HMBOX1: variants seen among roughly 807,000 people sequenced by gnomAD.
HMBOX1 encodes the protein homeobox containing 1, also known as homeobox-containing protein 1.
HMBOX1 carries 14 observed loss-of-function variants against 54.5 expected under a neutral mutation model. The observed-to-expected ratio is 0.26, with a 90% CI of 0.17 to 0.40. The LOEUF (loss-of-function observed/expected upper bound fraction) is 0.40, where lower values mean the gene tolerates loss of function less well. Ranked by LOEUF, HMBOX1 falls within the 10% of genes least tolerant of loss-of-function variation. The pLI, the probability that HMBOX1 is intolerant of heterozygous loss-of-function variation, is 1.00. For synonymous variants in HMBOX1, 160 were observed against 181.0 expected (o/e 0.88, Z 0.93); for missense variants, 332 against 514.4 (o/e 0.65, Z 3.43).
At chr8:28,982,681 A>G (rs983861166) in intron 4 of HMBOX1, among the ~76,000 whole-genome samples, 2 of 150,866 alleles carry the variant, frequency 1.3e-5, no homozygotes, top group African/African-American at 4.9e-5. Flanking sequence ...GCTAGAGTGC[A>G]ATGGTGCGAT....
At chr8:29,035,301 T>C (rs1312934027) in intron 6 of HMBOX1, among the ~76,000 whole-genome samples, 1 of 152,204 alleles carries the variant, frequency 6.6e-6, no homozygotes, top group Non-Finnish European at 1.5e-5. Flanking sequence ...CTCCATGTTA[T>C]AATAATTATT....
intron 1 of HMBOX1, among the ~76,000 whole-genome samples, chr8:28,954,113 ATCTAG>A (rs1180507360): frequency 6.6e-6 from 1 of 152,118 alleles, no homozygotes; most frequent in Non-Finnish European, 1.5e-5. Flanking sequence ...AAACATTTAT[ATCTAG>A]TCAGGAAGGA....
intron 1 of HMBOX1, among the ~76,000 whole-genome samples, chr8:28,898,206 A>G (rs564924837): frequency 4.0e-5 from 6 of 150,326 alleles, no homozygotes; most frequent in Admixed American, 6.7e-5. Flanking sequence ...GTTTGAGACA[A>G]TTTTTCATTT....
intron 3 of HMBOX1, among the ~76,000 whole-genome samples, 170 bp from the exon 4 acceptor site, chr8:28,979,901 T>C (rs1829061357): frequency 6.6e-6 from 1 of 152,232 alleles, no homozygotes; most frequent in African/African-American, 2.4e-5. Flanking sequence ...ATATTTGGTG[T>C]TTCTTGGTTC....
intron 1 of HMBOX1, among the ~76,000 whole-genome samples, chr8:28,945,443 G>C (rs1480659969): frequency 6.6e-6 from 1 of 152,162 alleles, no homozygotes; most frequent in Non-Finnish European, 1.5e-5. Context: ...CGATTACTTT[G>C]TTAACTATGT....
chr8:28,948,552 A>C (rs1348207379), intron 1 of HMBOX1, among the ~76,000 whole-genome samples: 1 of 152,206 alleles, frequency 6.6e-6, no homozygotes. Context: ...CTGTTTGCGC[A>C]TTTATAACAA....
rs531056384 is a variant in HMBOX1, at chr8:29,043,869, G to A, written c.852-1492G>A. On this transcript the variant is annotated intron_variant, in intron 6 of 9. Transcript: ENST00000287701. ...GGGTAGTGACTTGGAAAAATCCTCC[G>A]TATGAACACTGGAGTCCCAGAAATG... 1.6e-4 allele frequency among the ~76,000 whole-genome samples: 25 copies of A among 152,250 alleles called. No individual in the cohort carries two copies. In the South Asian group the frequency reaches 3.5e-3, roughly 21 times the overall value.
In HMBOX1 at chr8:28,978,786, C is replaced by CAAA. The variant is rs36075812; in HGVS notation, c.501-1267_501-1265dup. 1.9e-3 allele frequency among the ~76,000 whole-genome samples: 178 copies of CAAA among 95,084 alleles called. 6 individuals carry two copies. Among genetic ancestry groups the CAAA allele is most frequent in the African/African-American group, 5.0e-3 (112 of 22,202 alleles). The allele number at this position is 95,084 out of a possible 152,430, so 62.4% of individuals were successfully genotyped here. A position where few individuals can be genotyped will look rare whatever the true frequency, so the allele number is the denominator to read the frequency against. On this transcript the variant is annotated intron_variant, in intron 3 of 9. Coordinates refer to ENST00000287701, the MANE Select transcript of HMBOX1 (RefSeq NM_001135726.3). ...CGAGCAACAGAGTGAGACTCCGTCT[C>CAAA]AAAAAAAAAAAAAAAAAAAAGAGGA... is the stretch of plus-strand genomic sequence containing the variant.
In HMBOX1 at chr8:29,006,285, G is replaced by T. The variant is rs147006193; in HGVS notation, c.587-2787G>T. Among the ~76,000 whole-genome samples the T allele has an allele frequency of 3.3e-3, 495 of 152,084 alleles. 3 individuals carry two copies. Among genetic ancestry groups the T allele is most frequent in the African/African-American group, 0.011 (469 of 41,492 alleles). Reference sequence around the variant, plus strand: ...CGGGATTACAGGTGTGAGCCACTGCGCCTGGCCGATGCATTCTATTATTGA... The same window carrying T: ...CGGGATTACAGGTGTGAGCCACTGCTCCTGGCCGATGCATTCTATTATTGA... On this transcript the variant is annotated intron_variant, in intron 4 of 9. Transcript: ENST00000287701.
Position 29,018,785 on chromosome 8 carries a change from C to T in HMBOX1, c.723C>T (p.Ala241=). Residue 241 remains alanine (A), a synonymous_variant, in exon 6 of 10, where the codon GCC becomes GCT. Coordinates refer to ENST00000287701, the MANE Select transcript of HMBOX1 (RefSeq NM_001135726.3). ...NPGATLSMRP[A]PIPIEDPEWR... ...GCGCTACACTAAGTATGAGACCAGC[C>T]CCCATTCCAATAGAGGACCCTGAAT... 6 of 1,614,134 alleles carry T rather than the reference C, an allele frequency of 3.7e-6. No individual in the cohort carries two copies. Among genetic ancestry groups the T allele is most frequent in the Non-Finnish European group, 5.1e-6 (6 of 1,179,982 alleles).
chr8:29,025,198 C>A (rs748859908), intron 6 of HMBOX1, among the ~76,000 whole-genome samples: 2 of 152,148 alleles, frequency 1.3e-5, no homozygotes, highest in African/African-American at 4.8e-5. Context: ...ACAATCTAAC[C>A]TAGTCACACA....
intron 1 of HMBOX1, among the ~76,000 whole-genome samples, chr8:28,930,501 T>C (rs1383036689): frequency 6.6e-6 from 1 of 152,188 alleles, no homozygotes; most frequent in African/African-American, 2.4e-5. Context: ...TACCCTTTCT[T>C]GTGCTGCTGT....
intron 1 of HMBOX1, chr8:28,924,866 C>A (rs1346315934): frequency 1.3e-5 from 2 of 151,410 alleles, no homozygotes; most frequent in Non-Finnish European, 2.9e-5. Context: ...CCCGCCTCGG[C>A]CTCCCAAAGT....
At chr8:28,927,870 C>T (rs1818818388) in intron 1 of HMBOX1, among the ~76,000 whole-genome samples, 2 of 140,154 alleles carry the variant, frequency 1.4e-5, no homozygotes, top group Non-Finnish European at 3.1e-5. Context: ...GGCGTGGTGG[C>T]TCACGCCTGT....
intron 1 of HMBOX1, among the ~76,000 whole-genome samples, chr8:28,909,617 C>G (rs887365574): frequency 6.6e-6 from 1 of 152,166 alleles, no homozygotes; most frequent in East Asian, 1.9e-4. Context: ...GTCTTTCACA[C>G]CAGACACAGC....
chr8:28,964,450 G>T (rs949592572), intron 2 of HMBOX1, among the ~76,000 whole-genome samples: 3 of 152,146 alleles, frequency 2.0e-5, no homozygotes, highest in African/African-American at 7.2e-5. Context: ...TTTGTGCTAG[G>T]ATATGAACTA....
At chr8:28,964,099 C>T (rs576154542) in intron 2 of HMBOX1, among the ~76,000 whole-genome samples, 1 of 152,136 alleles carries the variant, frequency 6.6e-6, no homozygotes, top group Non-Finnish European at 1.5e-5. Flanking sequence ...AATCTATCAG[C>T]CTTCTCTTAC....
chr8:28,910,623 T>C (rs1305286893), intron 1 of HMBOX1, among the ~76,000 whole-genome samples: 1 of 152,248 alleles, frequency 6.6e-6, no homozygotes, highest in Non-Finnish European at 1.5e-5. Context: ...TAATAACTAA[T>C]GATGTTGAGC....
chr8:28,919,580 A>G (rs1186675606), intron 1 of HMBOX1, among the ~76,000 whole-genome samples: 1 of 152,224 alleles, frequency 6.6e-6, no homozygotes, highest in Non-Finnish European at 1.5e-5. Context: ...TATTAGCTGC[A>G]GATTTCCATA....
Sources: allele counts gnomAD v4.1 joint callset (sites outside exome capture counted in the v4.1 genomes callset), GRCh38; gene constraint gnomAD v4.1.1; transcripts MANE v1.5; gene names NCBI Gene and HGNC (gene_info 2026-07-23, HGNC 2026-07-21).